Variants in HTT observed in about 807,000 individuals in gnomAD.
The protein encoded by HTT is huntingtin, also known as huntington disease protein.
In HTT, 104 loss-of-function variants were observed where a neutral mutation model predicts 362.3. The ratio of observed to expected loss-of-function variants is 0.29; its 90% confidence interval spans 0.24 to 0.34. The LOEUF is 0.34. Among genes scored for constraint, HTT ranks in the 10% least tolerant of loss-of-function variants. The pLI is 1.00. For missense variants in HTT, 3,301 were observed against 3,928.6 expected (o/e 0.84, Z 4.27); for synonymous variants, 1,577 against 1,548.7 (o/e 1.02, Z -0.43).
chr4:3,189,043 G>A lies in HTT; in HGVS notation c.5318G>A (p.Cys1773Tyr). 2 of 1,614,130 alleles carry A rather than the reference G, an allele frequency of 1.2e-6. No homozygotes were observed. The highest frequency in any genetic ancestry group is 1.7e-6 in the Non-Finnish European group (2 of 1,179,994). Reference protein sequence around the residue: ...EMSEQQHTFYCQELGTLLMCL... With the variant: ...EMSEQQHTFYYQELGTLLMCL... The stretch of plus-strand genomic sequence containing the variant: ...AGTGAGCAGCAACATACTTTCTATT[G>A]CCAGGAACTAGGCACACTGCTAATG... Residue 1773 changes from cysteine to tyrosine, a missense_variant, in exon 40 of 67, where the codon TGC becomes TAC. Physicochemically the swap from Cys to Tyr is radical, Grantham distance 194 (BLOSUM62 -2). Transcript: ENST00000355072.
intron 5 of HTT, among the ~76,000 whole-genome samples, chr4:3,105,647 C>A (rs1045235182): frequency 6.6e-6 from 1 of 152,186 alleles, no homozygotes; most frequent in Admixed American, 6.5e-5. Flanking sequence ...TCTATCCCAC[C>A]CTTCCGCAAG....
chr4:3,193,748 T>C (rs1056734012), intron 40 of HTT, among the ~76,000 whole-genome samples: 2 of 152,136 alleles, frequency 1.3e-5, no homozygotes, highest in Admixed American at 6.6e-5. Flanking sequence ...ATTTATAATT[T>C]TATTTAATTT....
rs377528397 is a variant in HTT, at chr4:3,160,279, A to G, written c.3754-3A>G. On this transcript the variant is annotated splice_region_variant and splice_polypyrimidine_tract_variant and intron_variant, in intron 28 of 66. Coordinates refer to ENST00000355072, the MANE Select transcript of HTT (RefSeq NM_001388492.1). ...CGTGTGTTCTCTCCTTCACCTTCCC[A>G]AGGTCACGCTGGATCTTCAGAACAG... The G allele has an allele frequency of 6.5e-7, 1 of 1,543,660 alleles. No homozygotes were observed. Among genetic ancestry groups the G allele is most frequent in the South Asian group, 1.2e-5 (1 of 83,916 alleles).
intron 33 of HTT, among the ~76,000 whole-genome samples, 179 bp downstream of exon 33, chr4:3,175,286 A>G (rs1266974052): frequency 6.6e-6 from 1 of 152,228 alleles, no homozygotes; most frequent in African/African-American, 2.4e-5. Flanking sequence ...AGCCAGCCTC[A>G]GCAAGTCAGC....
chr4:3,095,928 G>A lies in HTT; in HGVS notation c.348-3346G>A, dbSNP rs183799028. On this transcript the variant is annotated intron_variant, in intron 2 of 66. Coordinates refer to ENST00000355072, the MANE Select transcript of HTT (RefSeq NM_001388492.1). ...AAGGACATTACATGTAAAAGGCAGC[G>A]ATTTTTCAGATTGAATGGAAAAGTA... is the stretch of plus-strand genomic sequence containing the variant. Among the ~76,000 whole-genome samples, 620 of 152,308 alleles carry A rather than the reference G, an allele frequency of 4.1e-3. 10 individuals carry two copies. The highest frequency in any genetic ancestry group is 6.5e-3 in the Non-Finnish European group (442 of 68,026).
intron 22 of HTT, among the ~76,000 whole-genome samples, chr4:3,141,552 C>G (rs1397472343): frequency 6.6e-6 from 1 of 152,204 alleles, no homozygotes; most frequent in South Asian, 2.1e-4. Flanking sequence ...CGCTTGAGCT[C>G]AGGGGTTCAA....
intron 10 of HTT, among the ~76,000 whole-genome samples, chr4:3,124,209 G>T (rs947823798): frequency 6.6e-6 from 1 of 152,202 alleles, no homozygotes; most frequent in Non-Finnish European, 1.5e-5. Flanking sequence ...GAGATTTTGG[G>T]ACGTGTGACT....
chr4:3,236,459 C>T (rs1000649631), intron 64 of HTT, among the ~76,000 whole-genome samples: 4 of 152,178 alleles, frequency 2.6e-5, no homozygotes, highest in Non-Finnish European at 2.9e-5. Flanking sequence ...TCAGGTGTAG[C>T]GTTGACCAGT....
At chr4:3,130,153 A>G (rs1715733724) in intron 13 of HTT, 106 bp downstream of exon 13, 5 of 1,226,404 alleles carry the variant, frequency 4.1e-6, no homozygotes, top group Non-Finnish European at 5.7e-6. Flanking sequence ...CTGTTTTCTG[A>G]GTTCTGAATA....
chr4:3,213,280 C>A (rs753908064), intron 49 of HTT, among the ~76,000 whole-genome samples: 25 of 152,236 alleles, frequency 1.6e-4, no homozygotes, highest in African/African-American at 2.4e-5. Flanking sequence ...TTATTCTGAA[C>A]CACGTGGAGT....
chr4:3,204,166 G>A lies in HTT; in HGVS notation c.5718+18G>A, dbSNP rs755885279. The A allele has an allele frequency of 1.9e-6, 3 of 1,613,750 alleles. No homozygotes were observed. Among genetic ancestry groups the A allele is most frequent in the African/African-American group, 2.7e-5 (2 of 74,940 alleles). On this transcript the variant is annotated intron_variant, in intron 42 of 66. Transcript: ENST00000355072. ...ATTATGTCGTAAGTTTGAAATGCCT[G>A]TAAACGGGGTTGAGGGAGGTGGGGA...
At position 3,228,574 on chromosome 4, in the gene HTT, C is replaced by T. The variant is rs756464335; in HGVS notation, c.7849-41C>T. ...ACACCCACCCACCAGGAGCCTGGCACTGTGGCCGCAGCACTGAGCAGTGCC... is the reference window on the plus strand; with the variant it reads ...ACACCCACCCACCAGGAGCCTGGCATTGTGGCCGCAGCACTGAGCAGTGCC... On this transcript the variant is annotated intron_variant, in intron 57 of 66. Transcript: ENST00000355072. This position sits in a 1 kb window ranked among gnomAD's most constrained non-coding sequence, Gnocchi z 4.3. 6.6e-7 allele frequency: 1 copy of T among 1,517,058 alleles called. No homozygotes were observed. Among genetic ancestry groups the T allele is most frequent in the South Asian group, 1.3e-5 (1 of 75,762 alleles). The allele number at this position is 1,517,058 out of a possible 1,614,324, so 94.0% of individuals were successfully genotyped here. A position where few individuals can be genotyped will look rare whatever the true frequency, so the allele number is the denominator to read the frequency against.
chr4:3,122,326 G>A (rs968025547), intron 9 of HTT, among the ~76,000 whole-genome samples: 1 of 152,196 alleles, frequency 6.6e-6, no homozygotes, highest in Non-Finnish European at 1.5e-5. Context: ...TGCTGACTCC[G>A]GCCTCTCCTA....
rs970168424 is a variant in HTT at position 3,218,357 on chromosome 4, G to C, written c.7242+405G>C. Reference sequence around the variant, plus strand: ...GGTTTAAAGTAGGTGTTATTGCCAGGCGCAGTAGCTCATGCCTGTAATCCC... The same window carrying C: ...GGTTTAAAGTAGGTGTTATTGCCAGCCGCAGTAGCTCATGCCTGTAATCCC... On this transcript the variant is annotated intron_variant, in intron 52 of 66. Transcript: ENST00000355072. The surrounding 1 kb of genome is among the most constrained non-coding windows in gnomAD (Gnocchi z 4.4). Among the ~76,000 whole-genome samples the C allele has an allele frequency of 6.6e-6, 1 of 152,198 alleles. No homozygotes were observed. Among genetic ancestry groups the C allele is most frequent in the Admixed American group, 6.5e-5 (1 of 15,284 alleles).
Position 3,083,526 on chromosome 4 carries a change from AAT to A in HTT, c.264-3409_264-3408del, listed in dbSNP as rs141494195. The stretch of plus-strand genomic sequence containing the variant: ...GCAAGAGAGTGAGACCCTGTCTCTA[AAT>A]ATACACACACACACACACACACACA... On this transcript the variant is annotated intron_variant, in intron 1 of 66. Transcript: ENST00000355072. Among the ~76,000 whole-genome samples, 463 of 81,834 alleles carry A rather than the reference AAT, an allele frequency of 5.7e-3. 3 individuals are homozygous for A. The highest frequency in any genetic ancestry group is 0.011 in the Middle Eastern group (2 of 184). The allele number at this position is 81,834 out of a possible 152,430, so 53.7% of individuals were successfully genotyped here.
intron 2 of HTT, among the ~76,000 whole-genome samples, chr4:3,088,478 CTT>C (rs1238640902): frequency 1.3e-5 from 2 of 152,138 alleles, no homozygotes; most frequent in African/African-American, 2.4e-5. Context: ...CCGGCCCTCT[CTT>C]GTCTTTTTAT....
chr4:3,223,880 T>C, intron 55 of HTT, 112 bp from the exon 56 acceptor site: 1 of 1,093,488 alleles, frequency 9.1e-7, no homozygotes, highest in Admixed American at 1.9e-5. Flanking sequence ...GTGAGTTTCA[T>C]TTGGTATTAC....
intron 8 of HTT, 140 bp downstream of exon 8, chr4:3,116,403 T>C: frequency 1.5e-6 from 1 of 665,696 alleles, no homozygotes; most frequent in Admixed American, 2.8e-5. Context: ...CAACCCTAGG[T>C]GCTGACCTCT....
rs548796695 is a variant in HTT, at chr4:3,224,074, A to G, written c.7708A>G (p.Thr2570Ala). 9.9e-6 allele frequency: 16 copies of G among 1,613,858 alleles called. No homozygotes were observed. The South Asian group carries it at 1.1e-4, about 11-fold the overall frequency. Residue 2570 changes from threonine (T) to alanine (A), a missense_variant, in exon 56 of 67, where the codon ACC becomes GCC. Coordinates refer to ENST00000355072, the MANE Select transcript of HTT (RefSeq NM_001388492.1). ...GGTTTCAAAGAGAGAGAATATTGCC[A>G]CCCATCATTTATATCAGGCATGGGA... ...AMVSKRENIATHHLYQAWDPV... is the reference protein window; with the variant it reads ...AMVSKRENIAAHHLYQAWDPV...
Sources: gnomAD v4.1 joint callset for allele counts (sites outside exome capture counted in the v4.1 genomes callset) on GRCh38, gnomAD v4.1.1 for gene constraint, Gnocchi (gnomAD v3.1) non-coding constraint, MANE v1.5 for transcripts, NCBI Gene and HGNC (gene_info 2026-07-23, HGNC 2026-07-21) for gene names.